Variants in AGMO observed in about 807,000 individuals in gnomAD.
The protein encoded by AGMO is glyceryl-ether monooxygenase.
Under a neutral mutation model 60.2 loss-of-function variants are expected in AGMO, and 75 were observed. That is an observed-to-expected ratio of 1.25 (90% CI 1.03 to 1.51). AGMO has a LOEUF of 1.51. AGMO is among the 40% of genes most tolerant of loss of function. The pLI, the probability that AGMO is intolerant of heterozygous loss-of-function variation, is 0.00. For synonymous variants in AGMO, 261 were observed against 177.1 expected (o/e 1.47, Z -3.76); for missense variants, 763 against 525.5 (o/e 1.45, Z -4.42).
At position 15,246,176 on chromosome 7, in the gene AGMO, A is replaced by G. The variant is rs545941917; in HGVS notation, c.1264-44817T>C. ...AAGTTTTATGCCAAAGTGATTACAC[A>G]TTCCAGCGTTAGCTCTCTAAGGATG... On this transcript the variant is annotated intron_variant, in intron 12 of 12. Coordinates refer to ENST00000342526, the MANE Select transcript of AGMO (RefSeq NM_001004320.2). Among the ~76,000 whole-genome samples, 128 of 152,182 alleles carry G rather than the reference A, an allele frequency of 8.4e-4. 1 individual carries two copies. The highest frequency in any genetic ancestry group is 3.0e-3 in the African/African-American group (125 of 41,444).
chr7:15,369,305 G>T (rs1783107616), intron 10 of AGMO, among the ~76,000 whole-genome samples: 1 of 151,998 alleles, frequency 6.6e-6, no homozygotes, highest in Admixed American at 6.6e-5. Flanking sequence ...AAGCTTATGT[G>T]AGATCATGTC....
downstream of AGMO, among the ~76,000 whole-genome samples, chr7:15,198,906 A>T (rs190500324): frequency 6.6e-6 from 1 of 152,338 alleles, no homozygotes; most frequent in East Asian, 1.9e-4. Context: ...CGAATCTTGT[A>T]GCCTCTAGCT....
intron 12 of AGMO, among the ~76,000 whole-genome samples, chr7:15,275,316 A>G (rs1294964970): frequency 6.6e-6 from 1 of 152,124 alleles, no homozygotes; most frequent in Non-Finnish European, 1.5e-5. Context: ...TTCAATCAAG[A>G]GCAAGTTATT....
intron 12 of AGMO, among the ~76,000 whole-genome samples, chr7:15,245,896 T>TTATA (rs1229884674): frequency 6.6e-6 from 1 of 152,168 alleles, no homozygotes; most frequent in Non-Finnish European, 1.5e-5. Context: ...GGTCTGCATA[T>TTATA]TATAGGTCAT....
chr7:15,218,197 CAG>C (rs1781803649), intron 12 of AGMO, among the ~76,000 whole-genome samples: 1 of 151,900 alleles, frequency 6.6e-6, no homozygotes, highest in African/African-American at 2.4e-5. Context: ...GAAAATGTAA[CAG>C]TGTGAAATTA....
chr7:15,190,140 TATATATA>T, the AGMO span, among the ~76,000 whole-genome samples: 1 of 1,550 alleles, frequency 6.5e-4, no homozygotes, highest in African/African-American at 2.5e-3. Flanking sequence ...TATATATATA[TATATATA>T]TATATATATA....
At chr7:15,489,570 T>A (rs1008557363) in intron 3 of AGMO, among the ~76,000 whole-genome samples, 2 of 152,166 alleles carry the variant, frequency 1.3e-5, no homozygotes, top group Non-Finnish European at 2.9e-5. Context: ...CCTTGTTTTA[T>A]CACCAGAGGC....
At chr7:15,520,518 C>A (rs566261658) in intron 3 of AGMO, among the ~76,000 whole-genome samples, 7 of 152,138 alleles carry the variant, frequency 4.6e-5, no homozygotes, top group African/African-American at 1.7e-4. Context: ...ATAGCGCAAT[C>A]AAATTAGAAC....
chr7:15,325,550 C>T (rs1485083979), intron 12 of AGMO, among the ~76,000 whole-genome samples: 1 of 151,996 alleles, frequency 6.6e-6, no homozygotes, highest in Non-Finnish European at 1.5e-5. Flanking sequence ...TATACATGCA[C>T]ACATACAAAA....
intron 3 of AGMO, among the ~76,000 whole-genome samples, chr7:15,437,629 G>C (rs1781436676): frequency 6.6e-6 from 1 of 151,004 alleles, no homozygotes; most frequent in African/African-American, 2.4e-5. Flanking sequence ...CCGCCTCCAG[G>C]GTTCACCCCA....
chr7:15,254,206 G>C (rs1273207973), intron 12 of AGMO, among the ~76,000 whole-genome samples: 3 of 152,094 alleles, frequency 2.0e-5, no homozygotes, highest in African/African-American at 7.2e-5. Context: ...TGAGAGTGCA[G>C]ATGTCTCTCT....
intron 4 of AGMO, among the ~76,000 whole-genome samples, chr7:15,430,314 G>A (rs1447864498): frequency 6.6e-6 from 1 of 151,732 alleles, no homozygotes; most frequent in African/African-American, 2.4e-5. Context: ...CAGTTACTCT[G>A]ACTTTCTAGC....
intron 3 of AGMO, among the ~76,000 whole-genome samples, chr7:15,471,431 A>T (rs1337548863): frequency 6.6e-6 from 1 of 151,968 alleles, no homozygotes; most frequent in Non-Finnish European, 1.5e-5. Context: ...AACTATAAAA[A>T]TGAGATCATT....
chr7:15,201,386 A>C, intron 12 of AGMO, 27 bp from the exon 13 acceptor site: 3 of 1,541,214 alleles, frequency 1.9e-6, no homozygotes, highest in Non-Finnish European at 2.7e-6. Context: ...CAAAGAGAAA[A>C]AAAAATTAGA....
At chr7:15,275,780 A>G (rs1783767770) in intron 12 of AGMO, among the ~76,000 whole-genome samples, 1 of 152,026 alleles carries the variant, frequency 6.6e-6, no homozygotes, top group Non-Finnish European at 1.5e-5. Context: ...ACCATTTATC[A>G]TTATATGATG....
chr7:15,173,473 C>T, the AGMO span, among the ~76,000 whole-genome samples: 23 of 152,186 alleles, frequency 1.5e-4, no homozygotes, highest in South Asian at 4.1e-4. Context: ...CAAGATCTAG[C>T]CCCTGTAACA....
chr7:15,369,994 G>T (rs919127891), intron 10 of AGMO, among the ~76,000 whole-genome samples: 10 of 152,028 alleles, frequency 6.6e-5, no homozygotes, highest in Non-Finnish European at 1.5e-4. Flanking sequence ...TTTGAGATAG[G>T]AATGATCCTA....
At chr7:15,362,353 T>TCC (rs1189982030) in intron 12 of AGMO, among the ~76,000 whole-genome samples, 1 of 152,158 alleles carries the variant, frequency 6.6e-6, no homozygotes, top group Non-Finnish European at 1.5e-5. Context: ...AAAATATTTA[T>TCC]CCAGTCTTAC....
In AGMO at chr7:15,376,443, T is replaced by C. The variant is rs370150508; in HGVS notation, c.1074+9003A>G. Among the ~76,000 whole-genome samples, 20 of 152,174 alleles carry C rather than the reference T, an allele frequency of 1.3e-4. No homozygotes were observed. In the South Asian group the frequency reaches 3.7e-3, roughly 28 times the overall value. ...CAACATGAAAATATTAGTTACAAAA[T>C]TGTAGTGCCCATAATGTTTTACAGA... On this transcript the variant is annotated intron_variant, in intron 10 of 12. Coordinates refer to ENST00000342526, the MANE Select transcript of AGMO (RefSeq NM_001004320.2).
Sources: gnomAD v4.1 joint callset for allele counts (sites outside exome capture counted in the v4.1 genomes callset) on GRCh38, gnomAD v4.1.1 for gene constraint, MANE v1.5 for transcripts, NCBI Gene and HGNC (gene_info 2026-07-23, HGNC 2026-07-21) for gene names.